The following TNRC6A variants were observed in gnomAD, a reference collection of about 807,000 sequenced individuals.
TNRC6A encodes trinucleotide repeat-containing gene 6A protein.
In TNRC6A, 44 loss-of-function variants were observed where a neutral mutation model predicts 221.2. The ratio of observed to expected loss-of-function variants is 0.20; its 90% confidence interval spans 0.16 to 0.26. The LOEUF (loss-of-function observed/expected upper bound fraction) is 0.26. TNRC6A is among the 10% of genes least tolerant of loss of function. TNRC6A has a pLI of 1.00. For missense variants in TNRC6A, 2,199 were observed against 2,404.4 expected (o/e 0.91, Z 1.79); for synonymous variants, 847 against 838.5 (o/e 1.01, Z -0.18).
intron 2 of TNRC6A, among the ~76,000 whole-genome samples, chr16:24,740,503 G>A (rs994786338): frequency 9.2e-5 from 14 of 152,120 alleles, no homozygotes; most frequent in Admixed American, 6.5e-4. Flanking sequence ...AGTTTTCAGT[G>A]TGTAATCATG....
intron 11 of TNRC6A, among the ~76,000 whole-genome samples, chr16:24,801,755 G>GT (rs1241910386): frequency 6.6e-6 from 1 of 152,172 alleles, no homozygotes; most frequent in Non-Finnish European, 1.5e-5. Flanking sequence ...GATTACAAGT[G>GT]TTAGCCACCG....
At chr16:24,633,009 C>CA (rs1567312199) in intron 1 of TNRC6A, among the ~76,000 whole-genome samples, 26 of 79,104 alleles carry the variant, frequency 3.3e-4, no homozygotes, top group Non-Finnish European at 4.6e-4. Flanking sequence ...AACTCAGTCT[C>CA]GAAAAAAAAA....
chr16:24,644,516 A>G (rs1902173614), intron 2 of TNRC6A, among the ~76,000 whole-genome samples: 1 of 151,664 alleles, frequency 6.6e-6, no homozygotes, highest in Non-Finnish European at 1.5e-5. Flanking sequence ...CTGGTCTTAA[A>G]CTCCTAGGCT....
intron 4 of TNRC6A, among the ~76,000 whole-genome samples, chr16:24,768,695 A>T (rs2057527663): frequency 6.6e-6 from 1 of 152,218 alleles, no homozygotes. Context: ...TTACTAAGTT[A>T]TATTTTCTAG....
rs72768687 is a variant in TNRC6A at position 24,768,091 on chromosome 16, T to C, written c.164-8842T>C. On this transcript the variant is annotated intron_variant, in intron 4 of 24. Coordinates refer to ENST00000395799, the MANE Select transcript of TNRC6A (RefSeq NM_014494.4). ...TGAAGAGAGCCATTCTGTACTTTTA[T>C]GTTATGGAAGAGAGATTAATAGGCA... 8.2e-3 allele frequency among the ~76,000 whole-genome samples: 1,253 copies of C among 152,270 alleles called. 10 individuals are homozygous for C. Among genetic ancestry groups the C allele is most frequent in the Middle Eastern group, 0.041 (12 of 292 alleles).
chr16:24,821,591 G>A (rs748509702), intron 22 of TNRC6A, among the ~76,000 whole-genome samples: 1 of 152,158 alleles, frequency 6.6e-6, no homozygotes, highest in Non-Finnish European at 1.5e-5. Flanking sequence ...GGGAAGGGTG[G>A]ATGCCACAGG....
At chr16:24,675,686 CTCTCTCTCTCTCTCTCTATATATA>C (rs1406725042) in intron 2 of TNRC6A, among the ~76,000 whole-genome samples, 8 of 83,772 alleles carry the variant, frequency 9.5e-5, no homozygotes, top group South Asian at 4.8e-4. Context: ...CTCTCTCTCT[CTCTCTCTCTCTCTCTCTATATATA>C]TATATATATA....
At chr16:24,682,939 A>G (rs2055560927) in intron 2 of TNRC6A, among the ~76,000 whole-genome samples, 1 of 152,150 alleles carries the variant, frequency 6.6e-6, no homozygotes, top group African/African-American at 2.4e-5. Flanking sequence ...TAACCCTCAC[A>G]ATAATCCTTC....
In TNRC6A at chr16:24,789,514, C is replaced by T. The variant is rs758551739; in HGVS notation, c.872C>T (p.Ser291Phe). Residue 291 changes from serine (S) to phenylalanine (F), a missense_variant, in exon 6 of 25, where the codon TCC becomes TTC. By Grantham distance (155) the Ser-to-Phe change is radical. Transcript: ENST00000395799. ...CTTCGGAATAGCACTGGACTTGGTTCCCAAAACAAGTTTGTAGTTGGTAGC... is the reference window on the plus strand; with the variant it reads ...CTTCGGAATAGCACTGGACTTGGTTTCCAAAACAAGTTTGTAGTTGGTAGC... ...DGLRNSTGLG[S>F]QNKFVVGSSS... 7 of 1,614,132 alleles carry T rather than the reference C, an allele frequency of 4.3e-6. No homozygotes were observed. In the South Asian group the frequency reaches 6.6e-5, roughly 15 times the overall value.
intron 1 of TNRC6A, among the ~76,000 whole-genome samples, chr16:24,634,123 T>C (rs1425526857): frequency 2.0e-5 from 3 of 152,092 alleles, no homozygotes; most frequent in African/African-American, 7.2e-5. Flanking sequence ...AGTGCCTAAA[T>C]AGTGTGATCA....
intron 1 of TNRC6A, among the ~76,000 whole-genome samples, chr16:24,611,874 C>T (rs1480835222): frequency 6.6e-6 from 1 of 152,084 alleles, no homozygotes; most frequent in African/African-American, 2.4e-5. Context: ...AGGCAGATCA[C>T]CTGAGGTCAG....
intron 22 of TNRC6A, among the ~76,000 whole-genome samples, chr16:24,820,687 A>G (rs2058749692): frequency 1.3e-5 from 2 of 152,372 alleles, no homozygotes; most frequent in South Asian, 2.1e-4. Context: ...GGAGCAGGCC[A>G]TCTGGGCCTT....
intron 2 of TNRC6A, among the ~76,000 whole-genome samples, chr16:24,677,899 T>G (rs2055452346): frequency 6.6e-6 from 1 of 152,150 alleles, no homozygotes; most frequent in Non-Finnish European, 1.5e-5. Context: ...GATCTTTGTT[T>G]TGGTAGGTGT....
intron 2 of TNRC6A, among the ~76,000 whole-genome samples, chr16:24,719,762 G>A (rs921807047): frequency 2.6e-5 from 4 of 151,708 alleles, no homozygotes; most frequent in Non-Finnish European, 4.4e-5. Flanking sequence ...GATCACTTGA[G>A]CCCAGGAGTT....
Position 24,805,171 on chromosome 16 carries a change from A to T in TNRC6A, c.4122+20A>T, listed in dbSNP as rs2059134. On this transcript the variant is annotated intron_variant, in intron 14 of 24. Coordinates refer to ENST00000395799, the MANE Select transcript of TNRC6A (RefSeq NM_014494.4). Reference sequence around the variant, plus strand: ...CCTCAGGTAAATAAGCTTTCCTTACATTCTCCTGTTTACCTGCAAAAAGGA... The same window carrying T: ...CCTCAGGTAAATAAGCTTTCCTTACTTTCTCCTGTTTACCTGCAAAAAGGA... 1 of 1,611,972 alleles carries T rather than the reference A, an allele frequency of 6.2e-7. No homozygotes were observed. The highest frequency in any genetic ancestry group is 8.5e-7 in the Non-Finnish European group (1 of 1,178,498).
chr16:24,773,544 G>A (rs189225276), intron 4 of TNRC6A, among the ~76,000 whole-genome samples: 16 of 152,246 alleles, frequency 1.1e-4, no homozygotes, highest in Admixed American at 5.2e-4. Flanking sequence ...GTTTGTGCAC[G>A]CGTGTACATG....
At chr16:24,792,891 C>A (rs553532704) in intron 6 of TNRC6A, among the ~76,000 whole-genome samples, 20 of 151,022 alleles carry the variant, frequency 1.3e-4, no homozygotes, top group African/African-American at 4.6e-4. Context: ...CAGGTTCAAG[C>A]AATTCTCCTG....
At chr16:24,804,128 A>T in intron 11 of TNRC6A, 49 bp from the exon 12 acceptor site, 2 of 1,535,530 alleles carry the variant, frequency 1.3e-6, no homozygotes, top group Non-Finnish European at 1.7e-6. Context: ...TTTATCTGAA[A>T]CCAATTGGGT....
chr16:24,795,087 C>G (rs779672964), intron 8 of TNRC6A, among the ~76,000 whole-genome samples: 1 of 152,126 alleles, frequency 6.6e-6, no homozygotes, highest in Non-Finnish European at 1.5e-5. Context: ...CACCTGGAGT[C>G]CCCCGCCACC....
Sources: allele counts gnomAD v4.1 joint callset (sites outside exome capture counted in the v4.1 genomes callset), GRCh38; gene constraint gnomAD v4.1.1; transcripts MANE v1.5; gene names NCBI Gene and HGNC (gene_info 2026-07-23, HGNC 2026-07-21).